Variants in KRT28 observed in about 807,000 individuals in gnomAD.
KRT28 encodes keratin 28, also known as keratin, type I cytoskeletal 28.
Under a neutral mutation model 48.1 loss-of-function variants are expected in KRT28, and 45 were observed. That is an observed-to-expected ratio of 0.94 (90% confidence interval 0.74 to 1.20). The LOEUF (loss-of-function observed/expected upper bound fraction) is 1.20. Among genes scored for constraint, KRT28 ranks in the 50% most tolerant of loss-of-function variants. The pLI, the probability that KRT28 is intolerant of heterozygous loss-of-function variation, is 0.00. For missense variants in KRT28, 571 were observed against 574.1 expected, an observed-to-expected ratio of 0.99 and a Z score of 0.06; for synonymous variants, 228 against 227.4, an observed-to-expected ratio of 1.00 and a Z score of -0.03.
At chr17:40,792,653 G>T in intron 7 of KRT28, 84 bp from the exon 8 acceptor site, 1 of 1,001,526 alleles carries the variant, frequency 1.0e-6, no homozygotes, top group South Asian at 1.8e-5. Context: ...AATATATTAT[G>T]CATATTTTTG....
At chr17:40,794,193 C>T (rs1904558784) in intron 5 of KRT28, 147 bp from the exon 6 acceptor site, 1 of 997,824 alleles carries the variant, frequency 1.0e-6, no homozygotes, top group South Asian at 1.6e-5. Context: ...AGAAAGGAGG[C>T]TGGCATTTAT....
chr17:40,794,490 G>A (rs1039259224), intron 5 of KRT28, among the ~76,000 whole-genome samples: 1 of 152,060 alleles, frequency 6.6e-6, no homozygotes, highest in African/African-American at 2.4e-5. Flanking sequence ...GGCCTTTTGT[G>A]CTACTGCTTT....
chr17:40,794,191 G>T, intron 5 of KRT28, 145 bp from the exon 6 acceptor site: 1 of 1,006,160 alleles, frequency 9.9e-7, no homozygotes, highest in Non-Finnish European at 1.4e-6. Flanking sequence ...AAAGAAAGGA[G>T]GCTGGCATTT....
In KRT28 at chr17:40,796,899, C is replaced by A. The variant is rs760273462; in HGVS notation, c.978+17G>T. 26 of 1,572,764 alleles carry A rather than the reference C, an allele frequency of 1.7e-5. No homozygotes were observed. Among genetic ancestry groups the A allele is most frequent in the Non-Finnish European group, 2.6e-6 (3 of 1,162,642 alleles). On this transcript the variant is annotated intron_variant, in intron 5 of 7. Transcript: ENST00000306658. ...TCTAGAATCACAGGATCCAGGCTGA[C>A]CTTCGCTGTCACCTACCGTGGCCAT...
At chr17:40,794,122 A>T (rs925783970) in intron 5 of KRT28, 76 bp from the exon 6 acceptor site, 3 of 1,541,734 alleles carry the variant, frequency 1.9e-6, no homozygotes, top group Non-Finnish European at 2.7e-6. Flanking sequence ...CTCAGTAATC[A>T]GCAGGATTGC....
Position 40,799,808 on chromosome 17 carries a change from C to G in KRT28, c.86G>C (p.Gly29Ala). 1 of 1,614,080 alleles carries G rather than the reference C, an allele frequency of 6.2e-7. No homozygotes were observed. The highest frequency in any genetic ancestry group is 1.1e-5 in the South Asian group (1 of 91,082). Reference protein sequence around the residue: ...GSVRPLNGGAGFAGSSACGGS... With the variant: ...GSVRPLNGGAAFAGSSACGGS... Reference sequence around the variant, plus strand: ...ACCACATGCACTGCTGCCTGCAAAGCCTGCACCTCCATTGAGGGGTCTGAC... The same window carrying G: ...ACCACATGCACTGCTGCCTGCAAAGGCTGCACCTCCATTGAGGGGTCTGAC... The change falls in exon 1 of 8, where the codon GGC becomes GCC. Residue 29 changes from glycine to alanine, a missense_variant. Physicochemically the swap from Gly to Ala is moderately conservative, Grantham distance 60. Transcript: ENST00000306658.
Position 40,792,556 on chromosome 17 carries a change from G to C in KRT28, c.1266C>G (p.Thr422=). Residue 422 remains threonine (T), a synonymous_variant, in exon 8 of 8, where the codon ACC becomes ACG. Coordinates refer to ENST00000306658, the MANE Select transcript of KRT28 (RefSeq NM_181535.3). ...PGNSSKDLSK[T]TLVKTVVEEL... is the part of the protein sequence containing the mutation. ...CTTCAACCACTGTCTTTACCAGTGT[G>C]GTTTTGGATAAATCTAGAAATAAAA... is the stretch of plus-strand genomic sequence containing the variant. 5.0e-6 allele frequency: 8 copies of C among 1,605,006 alleles called. No homozygotes were observed. The highest frequency in any genetic ancestry group is 6.8e-6 in the Non-Finnish European group (8 of 1,176,888).
intron 5 of KRT28, among the ~76,000 whole-genome samples, chr17:40,795,220 G>T (rs1558283): frequency 6.6e-6 from 1 of 152,166 alleles, no homozygotes; most frequent in East Asian, 1.9e-4. Flanking sequence ...TCCAGGAGCA[G>T]GTAAGTGGAA....
chr17:40,795,036 T>C (rs969723938), intron 5 of KRT28, among the ~76,000 whole-genome samples: 6 of 152,242 alleles, frequency 3.9e-5, no homozygotes, highest in Admixed American at 1.3e-4. Flanking sequence ...AAAAATAATT[T>C]TGTATATTTC....
At chr17:40,793,289 A>C in intron 6 of KRT28, 79 bp from the exon 7 acceptor site, 4 of 902,174 alleles carry the variant, frequency 4.4e-6, no homozygotes, top group Non-Finnish European at 6.4e-6. Flanking sequence ...CAATGAATGA[A>C]ATTTGTATGC....
chr17:40,797,681 G>A (rs944364937), intron 3 of KRT28, among the ~76,000 whole-genome samples: 5 of 152,080 alleles, frequency 3.3e-5, no homozygotes, highest in Non-Finnish European at 7.4e-5. Context: ...CCTGGGAGGT[G>A]GAGGTTGCAG....
rs1904700414 is a variant in KRT28 at position 40,799,557 on chromosome 17, C to G, written c.337G>C (p.Glu113Gln). 6.2e-7 allele frequency: 1 copy of G among 1,614,190 alleles called. No individual in the cohort carries two copies. Among genetic ancestry groups the G allele is most frequent in the Non-Finnish European group, 8.5e-7 (1 of 1,180,032 alleles). Reference sequence around the variant, plus strand: ...CAACCCTTGATTTTTCTCTCTAATTCAGCATTTGCCTCCTCCAGAGCTCGC... The same window carrying G: ...CAACCCTTGATTTTTCTCTCTAATTGAGCATTTGCCTCCTCCAGAGCTCGC... ...NVRALEEANA[E>Q]LERKIKGWYE... Residue 113 changes from glutamate to glutamine, a missense_variant, in exon 1 of 8, where the codon GAA (glutamate) becomes CAA (glutamine). By Grantham distance (29) the Glu-to-Gln change is conservative. Coordinates refer to ENST00000306658, the MANE Select transcript of KRT28 (RefSeq NM_181535.3).
chr17:40,796,870 G>C (rs1226605815), intron 5 of KRT28, 46 bp downstream of exon 5: 3 of 1,530,636 alleles, frequency 2.0e-6, no homozygotes, highest in East Asian at 2.3e-5. Flanking sequence ...TTTCTCGGAG[G>C]CTTTCTAGAA....
intron 7 of KRT28, among the ~76,000 whole-genome samples, chr17:40,792,771 G>A (rs1206736026): frequency 6.6e-6 from 1 of 152,132 alleles, no homozygotes; most frequent in Non-Finnish European, 1.5e-5. Flanking sequence ...ATTGACTACG[G>A]TTGTAGTGTA....
At chr17:40,799,199 C>T (rs7208254) in intron 1 of KRT28, among the ~76,000 whole-genome samples, 200 bp from the exon 2 acceptor site, 26,967 of 152,106 alleles carry the variant, frequency 0.18, 2,711 homozygotes, top group Non-Finnish European at 0.23. Context: ...AAATTTAGAA[C>T]TACAATACTT....
At chr17:40,794,642 C>T (rs1460460102) in intron 5 of KRT28, among the ~76,000 whole-genome samples, 1 of 151,450 alleles carries the variant, frequency 6.6e-6, no homozygotes, top group East Asian at 1.9e-4. Flanking sequence ...GTCATTATTT[C>T]GACACTACTC....
At chr17:40,798,768 G>T (rs1468522025) in intron 2 of KRT28, 149 bp downstream of exon 2, 1 of 596,950 alleles carries the variant, frequency 1.7e-6, no homozygotes, top group Non-Finnish European at 2.9e-6. Context: ...CTATGTATAA[G>T]TTGATTGTAA....
Position 40,799,714 on chromosome 17 carries a change from G to T in KRT28, c.180C>A (p.Ser60Arg). ...GGGLGSVPGG[S>R]HAGGALGNAA... ...CATTTCCAAGGGCACCACCAGCATG[G>T]CTCCCACCAGGAACACTGCCCAAGC... is the stretch of plus-strand genomic sequence containing the variant. Residue 60 changes from serine (S) to arginine (R), a missense_variant, in exon 1 of 8, where the codon AGC (serine) becomes AGA (arginine). Transcript: ENST00000306658. 6.2e-7 allele frequency: 1 copy of T among 1,613,894 alleles called. No homozygotes were observed. The highest frequency in any genetic ancestry group is 8.5e-7 in the Non-Finnish European group (1 of 1,179,960).
Position 40,792,544 on chromosome 17 carries a change from C to T in KRT28, c.1278G>A (p.Lys426=). 1.2e-6 allele frequency: 2 copies of T among 1,611,586 alleles called. No individual in the cohort carries two copies. The highest frequency in any genetic ancestry group is 1.7e-6 in the Non-Finnish European group (2 of 1,179,044). Residue 426 remains lysine (K), a synonymous_variant, in exon 8 of 8, where the codon AAG becomes AAA. Transcript: ENST00000306658. ...SKDLSKTTLV[K]TVVEELDQRG... ...GTTGATCTAGCTCTTCAACCACTGTCTTTACCAGTGTGGTTTTGGATAAAT... is the reference window on the plus strand; with the variant it reads ...GTTGATCTAGCTCTTCAACCACTGTTTTTACCAGTGTGGTTTTGGATAAAT...
Sources: allele counts gnomAD v4.1 joint callset (sites outside exome capture counted in the v4.1 genomes callset), GRCh38; gene constraint gnomAD v4.1.1; transcripts MANE v1.5; gene names NCBI Gene and HGNC (gene_info 2026-07-23, HGNC 2026-07-21).